The following TTC1 variants were observed in gnomAD, a reference collection of about 807,000 sequenced individuals.
TTC1 encodes tetratricopeptide repeat domain 1.
In TTC1, 31 loss-of-function variants were observed where a neutral mutation model predicts 37.6. The observed-to-expected ratio is 0.82, with a 90% CI of 0.62 to 1.11. The LOEUF (loss-of-function observed/expected upper bound fraction) is 1.11. Among genes scored for constraint, TTC1 ranks in the 50% most tolerant of loss-of-function variants. The pLI is 0.00. For missense variants in TTC1, 351 were observed against 339.0 expected (o/e 1.04, Z -0.28); for synonymous variants, 127 against 122.4 (o/e 1.04, Z -0.25).
At chr5:160,038,306 C>T (rs1444953915) in intron 4 of TTC1, among the ~76,000 whole-genome samples, 1 of 152,204 alleles carries the variant, frequency 6.6e-6, no homozygotes, top group East Asian at 1.9e-4. Flanking sequence ...TTACACTTAC[C>T]TGGAAAATTC....
In TTC1 at chr5:160,045,474, A is replaced by G. The variant is rs988887406; in HGVS notation, c.541+2305A>G. 8.9e-5 allele frequency among the ~76,000 whole-genome samples: 9 copies of G among 100,700 alleles called. No individual in the cohort carries two copies. In the South Asian group the frequency reaches 3.6e-3, roughly 41 times the overall value. 66.1% of individuals were successfully genotyped at this position (100,700 alleles called of 152,430 possible). Reference sequence around the variant, plus strand: ...ACCCTCCACACACACACACACACACACACACACACACACACACACACACAC... The same window carrying G: ...ACCCTCCACACACACACACACACACGCACACACACACACACACACACACAC... On this transcript the variant is annotated intron_variant, in intron 5 of 7. Coordinates refer to ENST00000231238, the MANE Select transcript of TTC1 (RefSeq NM_003314.3).
intron 4 of TTC1, 86 bp from the exon 5 acceptor site, chr5:160,043,047 T>C: frequency 7.4e-7 from 1 of 1,351,270 alleles, no homozygotes; most frequent in South Asian, 1.3e-5. Context: ...CATAAGCAGT[T>C]ATTAGTGATC....
intron 2 of TTC1, among the ~76,000 whole-genome samples, chr5:160,032,688 G>A (rs910653050): frequency 1.1e-4 from 14 of 126,358 alleles, no homozygotes; most frequent in Non-Finnish European, 2.3e-4. Context: ...GCCTCCTTGA[G>A]TTCTACCTGC....
intron 5 of TTC1, 90 bp downstream of exon 5, chr5:160,043,259 G>A: frequency 7.2e-7 from 1 of 1,382,148 alleles, no homozygotes; most frequent in Non-Finnish European, 1.0e-6. Flanking sequence ...TTGTACATGT[G>A]TACCCTTCCT....
At chr5:160,041,990 C>T (rs1367998453) in intron 4 of TTC1, among the ~76,000 whole-genome samples, 2 of 152,060 alleles carry the variant, frequency 1.3e-5, no homozygotes, top group Non-Finnish European at 2.9e-5. Flanking sequence ...AGTGCAGTGT[C>T]GTGAACTCAA....
At chr5:160,062,614 G>T (rs1753454795) in intron 7 of TTC1, among the ~76,000 whole-genome samples, 1 of 152,202 alleles carries the variant, frequency 6.6e-6, no homozygotes, top group South Asian at 2.1e-4. Flanking sequence ...AGATGGGCTT[G>T]CAGTGATCCC....
chr5:160,058,056 T>G (rs1474434313), intron 7 of TTC1, among the ~76,000 whole-genome samples: 1 of 151,984 alleles, frequency 6.6e-6, no homozygotes, highest in Non-Finnish European at 1.5e-5. Context: ...CGTGAGCCAC[T>G]GTGCCCGGCC....
At chr5:160,038,757 T>C (rs1460600317) in intron 4 of TTC1, among the ~76,000 whole-genome samples, 1 of 149,508 alleles carries the variant, frequency 6.7e-6, no homozygotes, top group Non-Finnish European at 1.5e-5. Flanking sequence ...CCGCCTCCCG[T>C]GTTCAAGCGA....
intron 7 of TTC1, 40 bp from the exon 8 acceptor site, chr5:160,064,892 C>A (rs1753553628): frequency 1.9e-6 from 3 of 1,590,628 alleles, no homozygotes; most frequent in African/African-American, 1.4e-5. Context: ...TGCTTCTGTT[C>A]ATTCCTGTAT....
intron 2 of TTC1, among the ~76,000 whole-genome samples, chr5:160,012,685 T>C (rs1240758566): frequency 1.3e-5 from 2 of 152,218 alleles, no homozygotes; most frequent in African/African-American, 4.8e-5. Context: ...ATTATTTTTA[T>C]TGCCTGTAAG....
chr5:160,010,001 G>T (rs146651789), intron 1 of TTC1, among the ~76,000 whole-genome samples: 1,772 of 152,170 alleles, frequency 0.012, 22 homozygotes, highest in African/African-American at 0.024. Flanking sequence ...CTTTTTCTTG[G>T]CACTGTTTTA....
intron 2 of TTC1, among the ~76,000 whole-genome samples, chr5:160,023,294 CTT>C (rs774203414): frequency 4.5e-5 from 6 of 132,362 alleles, no homozygotes; most frequent in Admixed American, 1.5e-4. Flanking sequence ...GGTTTTCTTT[CTT>C]TTTTTTTTTT....
At chr5:160,029,235 G>C (rs1189535853) in intron 2 of TTC1, among the ~76,000 whole-genome samples, 1 of 152,130 alleles carries the variant, frequency 6.6e-6, no homozygotes, top group East Asian at 1.9e-4. Flanking sequence ...TTTTGTTTAA[G>C]ATGTATTTCC....
intron 2 of TTC1, among the ~76,000 whole-genome samples, chr5:160,034,126 C>CTTTT (rs978923159): frequency 8.7e-6 from 1 of 114,560 alleles, no homozygotes; most frequent in Non-Finnish European, 1.9e-5. Flanking sequence ...GACCCTATCT[C>CTTTT]TTTTTTTTTT....
At chr5:160,011,843 G>A (rs1310604693) in intron 2 of TTC1, among the ~76,000 whole-genome samples, 1 of 152,190 alleles carries the variant, frequency 6.6e-6, no homozygotes, top group Admixed American at 6.5e-5. Context: ...TCACTGAACA[G>A]GTTGTGATAC....
At chr5:160,018,590 A>T (rs1756646775) in intron 2 of TTC1, among the ~76,000 whole-genome samples, 1 of 152,218 alleles carries the variant, frequency 6.6e-6, no homozygotes, top group Non-Finnish European at 1.5e-5. Flanking sequence ...GAGTGGGCTG[A>T]TAGTAGGCAA....
intron 4 of TTC1, among the ~76,000 whole-genome samples, chr5:160,038,585 C>A (rs916285336): frequency 6.6e-6 from 1 of 151,620 alleles, no homozygotes; most frequent in Non-Finnish European, 1.5e-5. Context: ...CTCAAAAGAG[C>A]GTTGCTCTAT....
intron 4 of TTC1, among the ~76,000 whole-genome samples, chr5:160,038,685 C>T (rs983951574): frequency 4.9e-5 from 6 of 122,156 alleles, no homozygotes; most frequent in African/African-American, 6.2e-5. Context: ...TTTTTTGAGA[C>T]GGAGTCTCAC....
At position 160,010,859 on chromosome 5, in the gene TTC1, G is replaced by A. The variant is rs1561623136; in HGVS notation, c.330+1G>A. 1 of 1,609,916 alleles carries A rather than the reference G, an allele frequency of 6.2e-7. No individual in the cohort carries two copies. The highest frequency in any genetic ancestry group is 1.7e-5 in the Admixed American group (1 of 59,608). The stretch of plus-strand genomic sequence containing the variant: ...AAACATGTCGGATGAAGAGAAACAG[G>A]TAAGTATTTTATTTATTGTGCAAGA... On this transcript the variant is annotated splice_donor_variant, in intron 2 of 7. Coordinates refer to ENST00000231238, the MANE Select transcript of TTC1 (RefSeq NM_003314.3). LOFTEE classifies it high-confidence loss of function.
Sources: allele counts gnomAD v4.1 joint callset (sites outside exome capture counted in the v4.1 genomes callset), GRCh38; gene constraint gnomAD v4.1.1; transcripts MANE v1.5; gene names NCBI Gene and HGNC (gene_info 2026-07-23, HGNC 2026-07-21).